PPFIA4: variants seen among roughly 807,000 people sequenced by gnomAD.
The protein encoded by PPFIA4 is liprin-alpha-4.
PPFIA4 carries 98 observed loss-of-function variants against 145.7 expected under a neutral mutation model. That is an observed-to-expected ratio of 0.67 (90% confidence interval 0.57 to 0.80). PPFIA4 has a LOEUF of 0.80. Among genes scored for constraint, PPFIA4 ranks in the 30% least tolerant of loss-of-function variants. The pLI is 0.00. For missense variants in PPFIA4, 1,457 were observed against 1,632.7 expected, an observed-to-expected ratio of 0.89 and a Z score of 1.85; for synonymous variants, 628 against 649.6, an observed-to-expected ratio of 0.97 and a Z score of 0.51.
At chr1:203,040,047 T>C (rs928804353) in intron 2 of PPFIA4, among the ~76,000 whole-genome samples, 1 of 152,230 alleles carries the variant, frequency 6.6e-6, no homozygotes, top group Non-Finnish European at 1.5e-5. Context: ...TTGGTAGATA[T>C]TCCAGGCATG....
chr1:203,051,423 C>T (rs1053049647), intron 13 of PPFIA4: 53 of 746,144 alleles, frequency 7.1e-5, no homozygotes, highest in East Asian at 8.1e-5. Context: ...GTCAGATGGC[C>T]GGAGAGCCTC....
chr1:203,027,961 G>A (rs77731367), intron 1 of PPFIA4, among the ~76,000 whole-genome samples: 39 of 152,374 alleles, frequency 2.6e-4, no homozygotes, highest in African/African-American at 9.1e-4. Context: ...TCCCAGGGAA[G>A]CTGCCTAAGC....
intron 9 of PPFIA4, among the ~76,000 whole-genome samples, chr1:203,047,542 A>T (rs901303927): frequency 1.3e-5 from 2 of 152,120 alleles, no homozygotes; most frequent in South Asian, 4.1e-4. Context: ...TTTCTAGAAT[A>T]TCTTGCCAGC....
chr1:203,065,715 T>C (rs1412554859), intron 25 of PPFIA4, among the ~76,000 whole-genome samples: 1 of 152,228 alleles, frequency 6.6e-6, no homozygotes, highest in African/African-American at 2.4e-5. Context: ...TAAATCATGA[T>C]TTTTATGACA....
intron 29 of PPFIA4, chr1:203,076,010 G>T: frequency 1.7e-6 from 1 of 576,812 alleles, no homozygotes; most frequent in Non-Finnish European, 3.0e-6. Context: ...TCCACGGTTC[G>T]GACCTACTCC....
intron 12 of PPFIA4, among the ~76,000 whole-genome samples, chr1:203,049,429 C>T (rs1256975624): frequency 6.6e-6 from 1 of 152,186 alleles, no homozygotes; most frequent in African/African-American, 2.4e-5. Flanking sequence ...GCTAGCAGAG[C>T]CCTCCCCAGA....
intron 19 of PPFIA4, among the ~76,000 whole-genome samples, chr1:203,058,204 G>A (rs1056832021): frequency 2.6e-5 from 4 of 152,060 alleles, no homozygotes; most frequent in Non-Finnish European, 5.9e-5. Flanking sequence ...GCTGGCTGAG[G>A]AGGAGGAGGA....
chr1:203,056,219 C>T (rs1660934023), intron 17 of PPFIA4, 64 bp downstream of exon 17: 1 of 1,609,832 alleles, frequency 6.2e-7, no homozygotes, highest in Non-Finnish European at 8.5e-7. Flanking sequence ...TTCCTTTCAG[C>T]TTCCTCCCCC....
In PPFIA4 at chr1:203,044,511, CT is replaced by C. The variant is rs551496283; in HGVS notation, c.576+59del. 24 of 1,503,222 alleles carry C rather than the reference CT, an allele frequency of 1.6e-5. 1 individual carries two copies. The South Asian group carries it at 2.7e-4, about 17-fold the overall frequency. The allele number at this position is 1,503,222 out of a possible 1,614,324, so 93.1% of individuals were successfully genotyped here. A position where few individuals can be genotyped will look rare whatever the true frequency, so the allele number is the denominator to read the frequency against. On this transcript the variant is annotated intron_variant, in intron 5 of 29. Coordinates refer to ENST00000295706, the MANE Select transcript of PPFIA4 (RefSeq NM_001304331.2). ...CCTGGAAGTCCAGGCTGGTTCACCCCTGTGCCCTACTCTGTTTCTTGTCAGA... is the reference window on the plus strand; with the variant it reads ...CCTGGAAGTCCAGGCTGGTTCACCCCGTGCCCTACTCTGTTTCTTGTCAGA...
chr1:203,042,105 G>A (rs1247318669), intron 2 of PPFIA4, among the ~76,000 whole-genome samples: 1 of 152,192 alleles, frequency 6.6e-6, no homozygotes, highest in Non-Finnish European at 1.5e-5. Context: ...TCCTTGGTGT[G>A]TGAGGGAGGC....
At chr1:203,037,613 T>A (rs1571666411) in intron 1 of PPFIA4, among the ~76,000 whole-genome samples, 1 of 152,238 alleles carries the variant, frequency 6.6e-6, no homozygotes, top group South Asian at 2.1e-4. Context: ...CTCATTACTT[T>A]CCTGTTACTT....
intron 14 of PPFIA4, 103 bp downstream of exon 14, chr1:203,051,980 T>C: frequency 8.1e-7 from 1 of 1,231,732 alleles, no homozygotes; most frequent in Non-Finnish European, 1.1e-6. Flanking sequence ...ATCCTTCCCC[T>C]TCCCTCCCGT....
rs1226965807 is a variant in PPFIA4, at chr1:203,044,939, C to T, written c.666+154C>T. Among the ~76,000 whole-genome samples, 3 of 152,174 alleles carry T rather than the reference C, an allele frequency of 2.0e-5. No individual in the cohort carries two copies. The South Asian group carries it at 6.2e-4, about 31-fold the overall frequency. ...CTTCTCTTTTCTTCTTCTCCCTACCCCATCTGCAATGAAATCTGTAGATTT... is the reference window on the plus strand; with the variant it reads ...CTTCTCTTTTCTTCTTCTCCCTACCTCATCTGCAATGAAATCTGTAGATTT... On this transcript the variant is annotated intron_variant, in intron 6 of 29. Transcript: ENST00000295706.
intron 13 of PPFIA4, among the ~76,000 whole-genome samples, chr1:203,050,879 CTTT>C (rs55718337): frequency 2.8e-5 from 4 of 144,568 alleles, no homozygotes; most frequent in African/African-American, 1.0e-4. Flanking sequence ...CACTGCTTGG[CTTT>C]TTTTTTTTTT....
Position 203,043,018 on chromosome 1 carries a change from G to C in PPFIA4, c.235-379G>C, listed in dbSNP as rs1558071047. Among the ~76,000 whole-genome samples, 2 of 152,152 alleles carry C rather than the reference G, an allele frequency of 1.3e-5. No homozygotes were observed. Among genetic ancestry groups the C allele is most frequent in the Non-Finnish European group, 2.9e-5 (2 of 68,024 alleles). ...CCAGAAGCAGAATTCCCCTCCATCA[G>C]TTTCTAAAGGAAAATGTCATTGAAT... On this transcript the variant is annotated intron_variant, in intron 2 of 29. Transcript: ENST00000295706. This position sits in a 1 kb window ranked among gnomAD's most constrained non-coding sequence, Gnocchi z 4.4.
rs931908390 is a variant in PPFIA4 at position 203,061,415 on chromosome 1, C to T, written c.2848-237C>T. On this transcript the variant is annotated intron_variant, in intron 23 of 29. Coordinates refer to ENST00000295706, the MANE Select transcript of PPFIA4 (RefSeq NM_001304331.2). ...GAGAGCTGGGCATCTTGCCTGGCTC[C>T]CAGTCAAGCCTGGGAGGTGTGTGTT... The T allele has an allele frequency of 9.6e-6, 5 of 518,284 alleles. No individual in the cohort carries two copies. The African/African-American group carries it at 9.8e-5, about 10-fold the overall frequency. 32.1% of individuals were successfully genotyped at this position (518,284 alleles called of 1,614,324 possible).
At chr1:203,040,140 G>A (rs1048315298) in intron 2 of PPFIA4, among the ~76,000 whole-genome samples, 10 of 152,240 alleles carry the variant, frequency 6.6e-5, no homozygotes, top group Admixed American at 5.9e-4. Flanking sequence ...TGTCAAAGAA[G>A]CTGTGAACTC....
rs777765524 is a variant in PPFIA4, at chr1:203,046,398, G to A, written c.1140+16G>A. 1.9e-6 allele frequency: 3 copies of A among 1,577,046 alleles called. No individual in the cohort carries two copies. Among genetic ancestry groups the A allele is most frequent in the African/African-American group, 2.7e-5 (2 of 74,126 alleles). On this transcript the variant is annotated intron_variant, in intron 9 of 29. Transcript: ENST00000295706. ...CCTCACCAAGGCAAGTGGGCCAGGG[G>A]CCTGGGATCTGCCTCTGTCCCCCAT...
At position 203,048,123 on chromosome 1, in the gene PPFIA4, G is replaced by C; in HGVS notation, c.1141-104G>C. The C allele has an allele frequency of 1.0e-6, 1 of 993,220 alleles. No homozygotes were observed. Among genetic ancestry groups the C allele is most frequent in the Non-Finnish European group, 1.6e-6 (1 of 641,250 alleles). The allele number at this position is 993,220 out of a possible 1,614,324, so 61.5% of individuals were successfully genotyped here. On this transcript the variant is annotated intron_variant, in intron 9 of 29. Transcript: ENST00000295706. The surrounding 1 kb of genome is among the most constrained non-coding windows in gnomAD (Gnocchi z 5.8). ...AGGCTGAGCGTCACTGGTACTGGGG[G>C]CCATGATCCCCAGGGCCACCCTGGC...
Sources: allele counts gnomAD v4.1 joint callset (sites outside exome capture counted in the v4.1 genomes callset), GRCh38; gene constraint gnomAD v4.1.1; non-coding constraint Gnocchi (gnomAD v3.1); transcripts MANE v1.5; gene names NCBI Gene and HGNC (gene_info 2026-07-23, HGNC 2026-07-21).